RBMS3: variants seen among roughly 807,000 people sequenced by gnomAD.
RBMS3 encodes RNA binding motif single stranded interacting protein 3, also known as RNA-binding motif, single-stranded-interacting protein 3.
Under a neutral mutation model 66.8 loss-of-function variants are expected in RBMS3, and 27 were observed. That is an observed-to-expected ratio of 0.40 (90% CI 0.30 to 0.56). The LOEUF (loss-of-function observed/expected upper bound fraction) is 0.56. Among genes scored for constraint, RBMS3 ranks in the 20% least tolerant of loss-of-function variants. The pLI, the probability that RBMS3 is intolerant of heterozygous loss-of-function variation, is 0.40. For synonymous variants in RBMS3, 188 were observed against 183.0 expected (o/e 1.03, Z -0.22); for missense variants, 513 against 549.5 (o/e 0.93, Z 0.66).
rs921490784 is a variant in RBMS3, at chr3:29,357,419, G to T, written c.75+75663G>T. Among the ~76,000 whole-genome samples the T allele has an allele frequency of 2.6e-5, 4 of 152,268 alleles. No homozygotes were observed. In the East Asian group the frequency reaches 7.7e-4, roughly 29 times the overall value. On this transcript the variant is annotated intron_variant, in intron 1 of 14. Transcript: ENST00000383767. ...CAGCAAAGTATTCCATGGTGTATATGTGCCACATTTTCTTAATCCAGTCTA... is the reference window on the plus strand; with the variant it reads ...CAGCAAAGTATTCCATGGTGTATATTTGCCACATTTTCTTAATCCAGTCTA...
At chr3:29,399,264 T>C (rs2039696730) in intron 1 of RBMS3, among the ~76,000 whole-genome samples, 1 of 152,154 alleles carries the variant, frequency 6.6e-6, no homozygotes, top group Non-Finnish European at 1.5e-5. Flanking sequence ...CACATCTATA[T>C]ATGTTTTCAA....
chr3:29,502,357 G>C (rs1191108722), intron 3 of RBMS3, among the ~76,000 whole-genome samples: 1 of 151,976 alleles, frequency 6.6e-6, no homozygotes, highest in African/African-American at 2.4e-5. Flanking sequence ...CCAAAGCATA[G>C]GTCTCTCCAC....
intron 4 of RBMS3, among the ~76,000 whole-genome samples, chr3:29,622,471 G>C (rs1280706433): frequency 6.6e-6 from 1 of 152,122 alleles, no homozygotes; most frequent in Non-Finnish European, 1.5e-5. Flanking sequence ...TAAAATAAAT[G>C]CATGAAGACA....
At chr3:29,778,426 A>G (rs1259567751) in intron 6 of RBMS3, among the ~76,000 whole-genome samples, 1 of 147,656 alleles carries the variant, frequency 6.8e-6, no homozygotes, top group Non-Finnish European at 1.5e-5. Flanking sequence ...TCTTATCAAT[A>G]AACTTTTTTT....
chr3:29,365,698 C>A (rs141795881), intron 1 of RBMS3, among the ~76,000 whole-genome samples: 1 of 152,086 alleles, frequency 6.6e-6, no homozygotes, highest in South Asian at 2.1e-4. Context: ...TTGCCCTGGC[C>A]GCCTTCAAAT....
chr3:29,764,497 G>C (rs1032348482), intron 6 of RBMS3, among the ~76,000 whole-genome samples: 4 of 151,624 alleles, frequency 2.6e-5, no homozygotes, highest in African/African-American at 9.7e-5. Flanking sequence ...TTCATCCAAC[G>C]GATACCTATT....
chr3:29,709,954 A>G (rs1559594265), intron 4 of RBMS3, among the ~76,000 whole-genome samples: 1 of 152,230 alleles, frequency 6.6e-6, no homozygotes, highest in Non-Finnish European at 1.5e-5. Context: ...AAGTGAAGGA[A>G]TAGCTGAAAG....
intron 4 of RBMS3, among the ~76,000 whole-genome samples, chr3:29,696,807 T>C (rs554550580): frequency 1.3e-5 from 2 of 152,232 alleles, no homozygotes; most frequent in East Asian, 1.9e-4. Flanking sequence ...TGCAGGTCAA[T>C]ACCCTAGGGC....
At position 29,384,435 on chromosome 3, in the gene RBMS3, T is replaced by TAAGAAGAAGAAGAAGAAG. The variant is rs71628521; in HGVS notation, c.76-50293_76-50276dup. Among the ~76,000 whole-genome samples the TAAGAAGAAGAAGAAGAAG allele has an allele frequency of 8.7e-3, 1,227 of 141,078 alleles. 6 individuals carry two copies. The highest frequency in any genetic ancestry group is 0.018 in the East Asian group (87 of 4,828). The allele number at this position is 141,078 out of a possible 152,430, so 92.6% of individuals were successfully genotyped here. A position where few individuals can be genotyped will look rare whatever the true frequency, so the allele number is the denominator to read the frequency against. On this transcript the variant is annotated intron_variant, in intron 1 of 14. Transcript: ENST00000383767. ...TATACACCAATAATAATAATAATAA[T>TAAGAAGAAGAAGAAGAAG]AAGAAGAAGAAGAAGAAGAAGAAGA...
intron 5 of RBMS3, among the ~76,000 whole-genome samples, chr3:29,759,684 A>C (rs916030187): frequency 4.0e-5 from 6 of 149,792 alleles, no homozygotes; most frequent in African/African-American, 1.5e-4. Flanking sequence ...ATTCTTCCTA[A>C]GATGGCTATT....
chr3:29,551,566 TCTTA>T (rs1488172683), intron 3 of RBMS3, among the ~76,000 whole-genome samples: 3 of 152,164 alleles, frequency 2.0e-5, no homozygotes, highest in Non-Finnish European at 4.4e-5. Flanking sequence ...GTATGTAAGG[TCTTA>T]CTTGCATATT....
At chr3:29,838,952 C>T (rs1221726223) in intron 6 of RBMS3, among the ~76,000 whole-genome samples, 1 of 152,116 alleles carries the variant, frequency 6.6e-6, no homozygotes, top group Non-Finnish European at 1.5e-5. Flanking sequence ...TGTTAATGAA[C>T]ATTCTTATAG....
chr3:29,995,794 T>C (rs972730864), intron 14 of RBMS3, among the ~76,000 whole-genome samples: 4 of 152,216 alleles, frequency 2.6e-5, no homozygotes, highest in South Asian at 4.2e-4. Context: ...GAACAACCGG[T>C]ACCAGCCACT....
At chr3:29,353,678 C>T (rs9813870) in intron 1 of RBMS3, among the ~76,000 whole-genome samples, 46,706 of 151,810 alleles carry the variant, frequency 0.31, 7,343 homozygotes, top group African/African-American at 0.37. Context: ...GGTTCTAATA[C>T]TCACAACTTA....
In RBMS3 at chr3:29,759,858, G is replaced by A. The variant is rs531495751; in HGVS notation, c.558-3052G>A. On this transcript the variant is annotated intron_variant, in intron 5 of 14. Transcript: ENST00000383767. ...GCTTTGCCTTGTTAAAATGTGCCCC[G>A]TGTATTAAAATGGAATTGTCACTGC... Among the ~76,000 whole-genome samples the A allele has an allele frequency of 1.4e-3, 208 of 152,140 alleles. 3 individuals are homozygous for A. The highest frequency in any genetic ancestry group is 7.9e-4 in the Admixed American group (12 of 15,262).
At chr3:29,308,800 CAA>C (rs10706270) in intron 1 of RBMS3, among the ~76,000 whole-genome samples, 30,863 of 130,204 alleles carry the variant, frequency 0.24, 3,427 homozygotes, top group Non-Finnish European at 0.26. Context: ...AAAATTTTGT[CAA>C]AAAAAAAAAA....
At chr3:29,476,719 T>A (rs962136096) in intron 2 of RBMS3, among the ~76,000 whole-genome samples, 1 of 152,188 alleles carries the variant, frequency 6.6e-6, no homozygotes, top group Admixed American at 6.5e-5. Context: ...CTTGATTTTA[T>A]CTTTTCTGCT....
chr3:29,620,927 A>G (rs1412629482), intron 4 of RBMS3, among the ~76,000 whole-genome samples: 4 of 152,198 alleles, frequency 2.6e-5, no homozygotes, highest in Admixed American at 2.6e-4. Flanking sequence ...TTTAATTGTG[A>G]TAAAATATGC....
intron 6 of RBMS3, among the ~76,000 whole-genome samples, chr3:29,786,098 CAAAAAA>C (rs368403371): frequency 9.9e-6 from 1 of 100,634 alleles, no homozygotes; most frequent in African/African-American, 3.4e-5. Flanking sequence ...ACAATAGCTG[CAAAAAA>C]AAAAAAAAAA....
Sources: gnomAD v4.1 joint callset for allele counts (sites outside exome capture counted in the v4.1 genomes callset) on GRCh38, gnomAD v4.1.1 for gene constraint, MANE v1.5 for transcripts, NCBI Gene and HGNC (gene_info 2026-07-23, HGNC 2026-07-21) for gene names.